Variants in APOL4 observed in about 807,000 individuals in gnomAD.
APOL4 encodes the protein apolipoprotein L4.
Under a neutral mutation model 12.1 loss-of-function variants are expected in APOL4, and 14 were observed. The observed-to-expected ratio is 1.16, with a 90% confidence interval of 0.76 to 1.81. The LOEUF (loss-of-function observed/expected upper bound fraction) is 1.81, where lower values mean the gene tolerates loss of function less well. APOL4 is among the 40% of genes most tolerant of loss of function. The probability of loss-of-function intolerance (pLI) is 0.00; values close to 1 mark genes in which losing one functional copy is unlikely to be tolerated. For missense variants in APOL4, 432 were observed against 423.1 expected (o/e 1.02, Z -0.18); for synonymous variants, 171 against 160.6 (o/e 1.06, Z -0.49).
At chr22:36,201,957 C>T, upstream of APOL4, 1 of 1,613,960 alleles carries the variant, frequency 6.2e-7, no homozygotes, top group Non-Finnish European at 8.5e-7. Flanking sequence ...GACAGGGAGC[C>T]CTCCCTCCCA....
chr22:36,194,420 C>CTCCTCT (rs2146938871), intron 3 of APOL4, among the ~76,000 whole-genome samples: 1 of 152,294 alleles, frequency 6.6e-6, no homozygotes, highest in South Asian at 2.1e-4. Flanking sequence ...CACCCTCCTC[C>CTCCTCT]CAGCCTTGAT....
At chr22:36,202,157 A>G, upstream of APOL4, 3 of 1,528,908 alleles carry the variant, frequency 2.0e-6, no homozygotes, top group Non-Finnish European at 2.7e-6. Flanking sequence ...CCCAGGCTGC[A>G]GGGCTTTGAC....
Position 36,191,901 on chromosome 22 carries a change from T to C in APOL4, c.221A>G (p.Asp74Gly). The change falls in exon 4 of 4, where the codon GAT becomes GGT. Residue 74 changes from aspartate (D) to glycine (G), a missense_variant. By Grantham distance (94) the Asp-to-Gly change is moderately conservative. Coordinates refer to ENST00000683024, the MANE Select transcript of APOL4 (RefSeq NM_001386885.1). ...ATTCTTCAGAGCTTCATAGAGAGCA[T>C]CTGCCTCTTCCCTGTACCAATAAAG... ...RVAELPREEA[D>G]ALYEALKNLT... 1 of 1,599,262 alleles carries C rather than the reference T, an allele frequency of 6.3e-7. No homozygotes were observed. The highest frequency in any genetic ancestry group is 2.2e-5 in the East Asian group (1 of 44,826).
chr22:36,192,700 A>G (rs1334834021), intron 3 of APOL4, among the ~76,000 whole-genome samples: 1 of 152,190 alleles, frequency 6.6e-6, no homozygotes. Context: ...CCTGCCTGGT[A>G]GGAACGTCTT....
intron 3 of APOL4, among the ~76,000 whole-genome samples, chr22:36,193,768 C>T (rs1220122360): frequency 1.3e-5 from 2 of 152,186 alleles, no homozygotes; most frequent in African/African-American, 4.8e-5. Context: ...TGCCCTTTGA[C>T]GTTCTGACTA....
Position 36,190,151 on chromosome 22 carries a change from C to G in APOL4, c.*924G>C, listed in dbSNP as rs2014204105. Reference sequence around the variant, plus strand: ...CATCGGTAGGTTCCGTGATGCCTCACAAGCCGCAAAACCAGCAAGTTTTTA... The same window carrying G: ...CATCGGTAGGTTCCGTGATGCCTCAGAAGCCGCAAAACCAGCAAGTTTTTA... On this transcript the variant is annotated 3_prime_UTR_variant, in exon 4 of 4. Transcript: ENST00000683024. 1 of 152,212 alleles carries G rather than the reference C, an allele frequency of 6.6e-6. No individual in the cohort carries two copies. 9.4% of individuals were successfully genotyped at this position (152,212 alleles called of 1,614,324 possible). A position where few individuals can be genotyped will look rare whatever the true frequency, so the allele number is the denominator to read the frequency against.
intron 2 of APOL4, among the ~76,000 whole-genome samples, chr22:36,195,743 ATCTCTCTCTC>A (rs143180155): frequency 6.7e-4 from 63 of 93,454 alleles, no homozygotes; most frequent in African/African-American, 2.6e-3. Flanking sequence ...GAGACAGATG[ATCTCTCTCTC>A]TCTCTCTCTC....
At chr22:36,203,605 A>G (rs564501677), upstream of APOL4, among the ~76,000 whole-genome samples, 5 of 152,322 alleles carry the variant, frequency 3.3e-5, no homozygotes, top group South Asian at 1.0e-3. Flanking sequence ...CTGACAATCC[A>G]TGGAAACAGG....
At chr22:36,192,541 A>T (rs946952120) in intron 3 of APOL4, among the ~76,000 whole-genome samples, 10 of 152,100 alleles carry the variant, frequency 6.6e-5, no homozygotes, top group Admixed American at 6.6e-4. Context: ...GAGAGGGGAA[A>T]CTTTGTAGAA....
chr22:36,195,482 C>T (rs760563853), intron 2 of APOL4, 45 bp from the exon 3 acceptor site: 6 of 1,599,022 alleles, frequency 3.8e-6, no homozygotes, highest in African/African-American at 1.3e-5. Context: ...AGTTTGCTAC[C>T]ACATAAATGG....
At chr22:36,192,756 G>C (rs1441235159) in intron 3 of APOL4, among the ~76,000 whole-genome samples, 1 of 152,162 alleles carries the variant, frequency 6.6e-6, no homozygotes, top group Non-Finnish European at 1.5e-5. Flanking sequence ...CAATGTGATG[G>C]GTGATGGGCG....
chr22:36,195,767 C>T (rs9610440), intron 2 of APOL4, among the ~76,000 whole-genome samples: 45,044 of 128,478 alleles, frequency 0.35, 8,045 homozygotes, highest in East Asian at 0.77. Flanking sequence ...CTCTCTCTCT[C>T]TCTCTCTCTC....
At chr22:36,192,326 C>A (rs889120520) in intron 3 of APOL4, among the ~76,000 whole-genome samples, 24 of 151,978 alleles carry the variant, frequency 1.6e-4, no homozygotes, top group Admixed American at 2.6e-4. Flanking sequence ...GGCGACAGAG[C>A]GAGACTCCAT....
upstream of APOL4, chr22:36,202,169 CCATCCTAGCT>C: frequency 7.0e-7 from 1 of 1,428,140 alleles, no homozygotes; most frequent in Non-Finnish European, 9.7e-7. Context: ...GGCTTTGACG[CCATCCTAGCT>C]CATTGCTGCC....
intron 3 of APOL4, among the ~76,000 whole-genome samples, chr22:36,193,832 C>T (rs763325511): frequency 6.6e-6 from 1 of 152,208 alleles, no homozygotes; most frequent in East Asian, 1.9e-4. Flanking sequence ...GAAGACCTGG[C>T]TATTAGTCCT....
Position 36,189,929 on chromosome 22 carries a change from G to A in APOL4, c.*1146C>T, listed in dbSNP as rs186731731. On this transcript the variant is annotated 3_prime_UTR_variant, in exon 4 of 4. Coordinates refer to ENST00000683024, the MANE Select transcript of APOL4 (RefSeq NM_001386885.1). ...CTTTATTCCCCTAAAAAATGTCTGC[G>A]TTTTGTCCCGGCCTGTGTCTGGCTC... 4.0e-5 allele frequency: 8 copies of A among 199,626 alleles called. No homozygotes were observed. Among genetic ancestry groups the A allele is most frequent in the Admixed American group, 1.4e-4 (3 of 21,026 alleles). 12.4% of individuals were successfully genotyped at this position (199,626 alleles called of 1,614,324 possible). A position where few individuals can be genotyped will look rare whatever the true frequency, so the allele number is the denominator to read the frequency against.
chr22:36,199,733 G>T, intron 1 of APOL4: 1 of 1,283,188 alleles, frequency 7.8e-7, no homozygotes, highest in Non-Finnish European at 1.1e-6. Flanking sequence ...GGAAACATGT[G>T]TGACAACTAA....
rs1176727198 is a variant in APOL4, at chr22:36,191,381, G to A, written c.741C>T (p.Leu247=). The A allele has an allele frequency of 6.2e-7, 1 of 1,613,960 alleles. No individual in the cohort carries two copies. The highest frequency in any genetic ancestry group is 2.2e-5 in the East Asian group (1 of 44,904). ...GTCCAACAGTGGCTTTAGATCTCCTGAGTGTATGGACATCATTCGCAATCA... is the reference window on the plus strand; with the variant it reads ...GTCCAACAGTGGCTTTAGATCTCCTAAGTGTATGGACATCATTCGCAATCA... ...TKMIANDVHT[L]RRSKATVGRP... is the part of the protein sequence containing the mutation. Residue 247 remains leucine (L), a synonymous_variant, in exon 4 of 4, where the codon CTC becomes CTT. Transcript: ENST00000683024.
chr22:36,195,743 ATC>A (rs143180155), intron 2 of APOL4, among the ~76,000 whole-genome samples: 1,280 of 93,104 alleles, frequency 0.014, 15 homozygotes, highest in African/African-American at 0.03. Context: ...GAGACAGATG[ATC>A]TCTCTCTCTC....
Sources: gnomAD v4.1 joint callset for allele counts (sites outside exome capture counted in the v4.1 genomes callset) on GRCh38, gnomAD v4.1.1 for gene constraint, MANE v1.5 for transcripts, NCBI Gene and HGNC (gene_info 2026-07-23, HGNC 2026-07-21) for gene names.